The following FBN3 variants were observed in gnomAD, a reference collection of about 807,000 sequenced individuals.
FBN3 encodes fibrillin-3.
Under a neutral mutation model 330.1 loss-of-function variants are expected in FBN3, and 234 were observed. The observed-to-expected ratio is 0.71, with a 90% CI of 0.64 to 0.79. FBN3 has a LOEUF of 0.79. Among genes scored for constraint, FBN3 ranks in the 30% least tolerant of loss-of-function variants. The pLI is 0.00. For missense variants in FBN3, 3,606 were observed against 3,886.9 expected, an observed-to-expected ratio of 0.93 and a Z score of 1.92; for synonymous variants, 1,458 against 1,517.3, an observed-to-expected ratio of 0.96 and a Z score of 0.91.
chr19:8,097,793 A>T (rs1302220662), intron 41 of FBN3, among the ~76,000 whole-genome samples: 3 of 152,246 alleles, frequency 2.0e-5, no homozygotes, highest in Non-Finnish European at 4.4e-5. Flanking sequence ...TGTACCATGG[A>T]ATATTCTTCA....
rs1024554991 is a variant in FBN3 at position 8,089,808 on chromosome 19, G to T, written c.6250+86C>A. On this transcript the variant is annotated intron_variant, in intron 50 of 63. Transcript: ENST00000600128. ...CCAGGGCCACCCAGGCTCTCAGGGG[G>T]AGCCTGAAACTCAGAGACCCAGGCA... 19 of 1,531,486 alleles carry T rather than the reference G, an allele frequency of 1.2e-5. No individual in the cohort carries two copies. The African/African-American group carries it at 2.2e-4, about 18-fold the overall frequency. The allele number at this position is 1,531,486 out of a possible 1,614,324, so 94.9% of individuals were successfully genotyped here.
chr19:8,108,114 A>C (rs1203903541), intron 37 of FBN3, 56 bp downstream of exon 37: 31 of 1,505,106 alleles, frequency 2.1e-5, no homozygotes, highest in Non-Finnish European at 2.7e-5. Flanking sequence ...GGTGGGGATG[A>C]GAGAAAAGTC....
intron 40 of FBN3, among the ~76,000 whole-genome samples, chr19:8,101,580 T>C (rs1419745486): frequency 6.6e-6 from 1 of 152,168 alleles, no homozygotes; most frequent in South Asian, 2.1e-4. Flanking sequence ...TCTCCAGGTC[T>C]GCCCCTTCCC....
Position 8,095,498 on chromosome 19 carries a change from C to G in FBN3, c.5662G>C (p.Asp1888His). The G allele has an allele frequency of 6.2e-7, 1 of 1,613,238 alleles. No individual in the cohort carries two copies. The highest frequency in any genetic ancestry group is 8.5e-7 in the Non-Finnish European group (1 of 1,179,496). Residue 1888 changes from aspartate (D) to histidine (H), a missense_variant, in exon 46 of 64, where the codon GAT becomes CAT. Asp to His is a moderately conservative substitution (Grantham distance 81). Transcript: ENST00000600128. ...VTHNGDCVDF[D>H]ECTTLVGQVC... Reference sequence around the variant, plus strand: ...TGCCCCACCAGGGTAGTACACTCATCAAAATCTGTAGAGGGGAGATGGGCA... The same window carrying G: ...TGCCCCACCAGGGTAGTACACTCATGAAAATCTGTAGAGGGGAGATGGGCA...
chr19:8,146,361 AC>A, intron 3 of FBN3, 136 bp from the exon 4 acceptor site: 1 of 707,672 alleles, frequency 1.4e-6, no homozygotes, highest in South Asian at 1.8e-5. Context: ...CTCATAGCAC[AC>A]CCCACCCCTG....
chr19:8,100,854 C>T, intron 41 of FBN3, 47 bp downstream of exon 41: 2 of 1,527,126 alleles, frequency 1.3e-6, no homozygotes, highest in Non-Finnish European at 1.8e-6. Context: ...AGGAAGCAGA[C>T]CCAGGTGGAT....
intron 16 of FBN3, among the ~76,000 whole-genome samples, chr19:8,130,611 A>AGGAAGGAAG (rs1271445703): frequency 6.5e-5 from 1 of 15,476 alleles, no homozygotes; most frequent in Non-Finnish European, 1.3e-4. Context: ...AAAGAAAGAA[A>AGGAAGGAAG]GAAAGAAAGA....
At position 8,096,961 on chromosome 19, in the gene FBN3, G is replaced by A. The variant is rs1419770377; in HGVS notation, c.5333C>T (p.Ala1778Val). The A allele has an allele frequency of 1.9e-6, 3 of 1,613,684 alleles. No individual in the cohort carries two copies. ...GCTACCGGGGATGTTGATGCAGTCA[G>A]CATTCTGCTGGCAGGGACTCTCCCT... is the stretch of plus-strand genomic sequence containing the variant. ...GSRESPCQQNADCINIPGSYR... is the reference protein window; with the variant it reads ...GSRESPCQQNVDCINIPGSYR... Residue 1778 changes from alanine to valine, a missense_variant, in exon 43 of 64, where the codon GCT becomes GTT. Ala to Val is a moderately conservative substitution (Grantham distance 64). Transcript: ENST00000600128. The surrounding 1 kb of genome is among the most constrained non-coding windows in gnomAD (Gnocchi z 4.6).
intron 8 of FBN3, among the ~76,000 whole-genome samples, chr19:8,139,744 CT>C (rs1319533826): frequency 6.6e-6 from 1 of 151,994 alleles, no homozygotes; most frequent in Non-Finnish European, 1.5e-5. Flanking sequence ...AGGTCAATGG[CT>C]TTATGCAGCG....
In FBN3 at chr19:8,096,703, T is replaced by C. The variant is rs2144731607; in HGVS notation, c.5414-134A>G. 1.5e-6 allele frequency: 2 copies of C among 1,362,532 alleles called. No individual in the cohort carries two copies. Among genetic ancestry groups the C allele is most frequent in the South Asian group, 2.7e-5 (2 of 73,974 alleles). 84.4% of individuals were successfully genotyped at this position (1,362,532 alleles called of 1,614,324 possible). On this transcript the variant is annotated intron_variant, in intron 43 of 63. Transcript: ENST00000600128. This position sits in a 1 kb window ranked among gnomAD's most constrained non-coding sequence, Gnocchi z 4.6. The stretch of plus-strand genomic sequence containing the variant: ...AACTTCCACCAGGGGCGTCAGGCTG[T>C]CTGCATGGACCTGAGCTCTCACCTC...
In FBN3 at chr19:8,138,461, C is replaced by T. The variant is rs763043264; in HGVS notation, c.969G>A (p.Arg323=). The change falls in exon 9 of 64, where the codon AGG becomes AGA. Residue 323 remains arginine (R), a synonymous_variant. Coordinates refer to ENST00000600128, the MANE Select transcript of FBN3 (RefSeq NM_032447.5). The part of the protein sequence containing the change: ...TRRQCCCDRG[R]CWAAGPVPEL... ...CAGGGACCGGGCCAGCTGCCCAGCA[C>T]CTGCCCCTGTCACAGCAGCACTGCC... 1.2e-6 allele frequency: 2 copies of T among 1,613,300 alleles called. No homozygotes were observed. The highest frequency in any genetic ancestry group is 1.3e-5 in the African/African-American group (1 of 74,936).
intron 13 of FBN3, 26 bp downstream of exon 13, chr19:8,135,935 T>TGGGGGGG: frequency 3.0e-6 from 4 of 1,344,142 alleles, no homozygotes; most frequent in African/African-American, 1.5e-5. Flanking sequence ...CGGAAGCCCC[T>TGGGGGGG]GCCCACCCGC....
chr19:8,120,761 G>T (rs1329672035), intron 25 of FBN3, among the ~76,000 whole-genome samples: 1 of 152,208 alleles, frequency 6.6e-6, no homozygotes, highest in Non-Finnish European at 1.5e-5. Flanking sequence ...ACAGGCGAGG[G>T]CCACTGCACC....
chr19:8,141,904 T>G, intron 7 of FBN3, 36 bp downstream of exon 7: 1 of 1,612,796 alleles, frequency 6.2e-7, no homozygotes, highest in African/African-American at 1.3e-5. Context: ...CCAAGGCAGC[T>G]AAGGCCTCCC....
chr19:8,093,352 A>G (rs1232549896), intron 47 of FBN3, among the ~76,000 whole-genome samples: 2 of 151,966 alleles, frequency 1.3e-5, no homozygotes, highest in Admixed American at 6.6e-5. Flanking sequence ...GGCCTGGCGC[A>G]ATGGCTCATG....
rs1167346702 is a variant in FBN3, at chr19:8,136,257, G to T, written c.1398C>A (p.Ile466=). 6.2e-7 allele frequency: 1 copy of T among 1,608,168 alleles called. No homozygotes were observed. The highest frequency in any genetic ancestry group is 8.5e-7 in the Non-Finnish European group (1 of 1,178,080). ...SPCHHGDCVN[I]PGTYHCRCYP... ...AGCACCGGCAGTGGTAGGTGCCGGG[G>T]ATGTTGACGCAGTCACCGTGGTGGC... Residue 466 remains isoleucine, a synonymous_variant, in exon 12 of 64, where the codon ATC becomes ATA. Coordinates refer to ENST00000600128, the MANE Select transcript of FBN3 (RefSeq NM_032447.5).
At chr19:8,124,064 G>A in intron 22 of FBN3, 56 bp from the exon 23 acceptor site, 5 of 1,445,246 alleles carry the variant, frequency 3.5e-6, no homozygotes, top group South Asian at 1.2e-5. Flanking sequence ...CCCACTGCGG[G>A]ACAGGCGTGC....
chr19:8,069,233 A>G (rs890534239), intron 63 of FBN3, among the ~76,000 whole-genome samples: 2 of 152,088 alleles, frequency 1.3e-5, no homozygotes, highest in African/African-American at 4.8e-5. Flanking sequence ...TGTGCCAATG[A>G]CAAACCCTTC....
intron 56 of FBN3, among the ~76,000 whole-genome samples, chr19:8,083,764 A>G (rs1006015810): frequency 1.4e-5 from 2 of 139,922 alleles, no homozygotes; most frequent in African/African-American, 2.7e-5. Context: ...CCCCAGCCAC[A>G]CCCCCAAAAA....
Sources: gnomAD v4.1 joint callset for allele counts (sites outside exome capture counted in the v4.1 genomes callset) on GRCh38, gnomAD v4.1.1 for gene constraint, Gnocchi (gnomAD v3.1) non-coding constraint, MANE v1.5 for transcripts, NCBI Gene and HGNC (gene_info 2026-07-23, HGNC 2026-07-21) for gene names.